GHR: variants seen among roughly 807,000 people sequenced by gnomAD.
GHR encodes growth hormone receptor, also known as GH receptor.
Under a neutral mutation model 67.1 loss-of-function variants are expected in GHR, and 35 were observed. The ratio of observed to expected loss-of-function variants is 0.52; its 90% CI spans 0.40 to 0.69. The LOEUF (loss-of-function observed/expected upper bound fraction) is 0.69, where lower values mean the gene tolerates loss of function less well. Among genes scored for constraint, GHR ranks in the 30% least tolerant of loss-of-function variants. GHR has a pLI of 0.00. For synonymous variants in GHR, 272 were observed against 269.1 expected, an observed-to-expected ratio of 1.01 and a Z score of -0.10; for missense variants, 792 against 764.6, an observed-to-expected ratio of 1.04 and a Z score of -0.42.
In GHR at chr5:42,548,361, C is replaced by T. The variant is rs7448239; in HGVS notation, c.-11-17503C>T. The T allele has an allele frequency of 6.1e-6, 6 of 985,162 alleles. No homozygotes were observed. The African/African-American group carries it at 1.0e-4, about 17-fold the overall frequency. The allele number at this position is 985,162 out of a possible 1,614,324, so 61.0% of individuals were successfully genotyped here. A position where few individuals can be genotyped will look rare whatever the true frequency, so the allele number is the denominator to read the frequency against. ...TAACCAAGAAACTTCTGTGGGATCC[C>T]ACCTCCAACCCCTCCCTCTCTGTCA... On this transcript the variant is annotated intron_variant, in intron 1 of 9. Coordinates refer to ENST00000230882, the MANE Select transcript of GHR (RefSeq NM_000163.5).
intron 2 of GHR, among the ~76,000 whole-genome samples, chr5:42,579,128 TA>T (rs1228816544): frequency 0.12 from 9,614 of 78,968 alleles, 429 homozygotes; most frequent in Middle Eastern, 0.15. Context: ...GATAGATAGA[TA>T]GATAGATAGA....
chr5:42,688,739 G>A (rs535666791), intron 3 of GHR, 151 bp from the exon 4 acceptor site: 1 of 784,726 alleles, frequency 1.3e-6, no homozygotes, highest in East Asian at 2.5e-5. Context: ...CAGGAAAAAT[G>A]CTTTTCTGGA....
chr5:42,685,699 G>A (rs975279049), intron 3 of GHR, among the ~76,000 whole-genome samples: 9 of 152,168 alleles, frequency 5.9e-5, no homozygotes, highest in Admixed American at 5.9e-4. Context: ...GACCGGTGAT[G>A]ACGAGCATTT....
At chr5:42,510,115 T>G (rs1269034630) in intron 1 of GHR, among the ~76,000 whole-genome samples, 1 of 152,190 alleles carries the variant, frequency 6.6e-6, no homozygotes, top group Non-Finnish European at 1.5e-5. Context: ...CATCCTTTGG[T>G]TGCTTGGGTT....
chr5:42,632,592 TAGTG>T (rs1753982122), intron 3 of GHR, among the ~76,000 whole-genome samples: 1 of 152,224 alleles, frequency 6.6e-6, no homozygotes, highest in African/African-American at 2.4e-5. Flanking sequence ...ATTTTTGTGT[TAGTG>T]AGCACATGCT....
At chr5:42,680,967 G>A (rs1239338825) in intron 3 of GHR, among the ~76,000 whole-genome samples, 1 of 151,796 alleles carries the variant, frequency 6.6e-6, no homozygotes, top group Non-Finnish European at 1.5e-5. Flanking sequence ...AATTCAAGAT[G>A]GATTAAAGAC....
At chr5:42,665,061 G>C (rs906000953) in intron 3 of GHR, among the ~76,000 whole-genome samples, 2 of 152,220 alleles carry the variant, frequency 1.3e-5, no homozygotes, top group Non-Finnish European at 2.9e-5. Flanking sequence ...TCTCACACCA[G>C]TTGTTAGAAT....
At chr5:42,687,252 A>G (rs1214324746) in intron 3 of GHR, among the ~76,000 whole-genome samples, 1 of 152,228 alleles carries the variant, frequency 6.6e-6, no homozygotes, top group African/African-American at 2.4e-5. Flanking sequence ...GCCCAAAGTA[A>G]TTTATAGATT....
chr5:42,477,109 A>T (rs1206396355), intron 1 of GHR, among the ~76,000 whole-genome samples: 1 of 132,030 alleles, frequency 7.6e-6, no homozygotes, highest in Non-Finnish European at 1.5e-5. Context: ...TTCAATTCCC[A>T]CCTATGAGTG....
intron 2 of GHR, among the ~76,000 whole-genome samples, chr5:42,574,869 G>A (rs1750561959): frequency 6.6e-6 from 1 of 152,178 alleles, no homozygotes; most frequent in Non-Finnish European, 1.5e-5. Flanking sequence ...TACCACTGAT[G>A]CCTTAAAGCA....
At chr5:42,572,268 T>C (rs1371114454) in intron 2 of GHR, among the ~76,000 whole-genome samples, 1 of 152,220 alleles carries the variant, frequency 6.6e-6, no homozygotes, top group African/African-American at 2.4e-5. Context: ...TCCACAGTAC[T>C]GTGCACCTAG....
intron 3 of GHR, among the ~76,000 whole-genome samples, chr5:42,687,833 T>C (rs1050585152): frequency 2.6e-5 from 4 of 152,104 alleles, no homozygotes; most frequent in Non-Finnish European, 4.4e-5. Context: ...AGGCTAATCA[T>C]ATAAGGAGAA....
chr5:42,670,090 C>T (rs1756197543), intron 3 of GHR, among the ~76,000 whole-genome samples: 1 of 152,166 alleles, frequency 6.6e-6, no homozygotes. Context: ...AAGAGCAATG[C>T]TGGAAGCATC....
chr5:42,438,131 T>C (rs1381426661), intron 1 of GHR, among the ~76,000 whole-genome samples: 2 of 152,220 alleles, frequency 1.3e-5, no homozygotes, highest in African/African-American at 4.8e-5. Context: ...GTAAGCAACA[T>C]TAATGAAGTG....
intron 2 of GHR, among the ~76,000 whole-genome samples, chr5:42,578,285 GT>G (rs1750875770): frequency 6.6e-6 from 1 of 152,288 alleles, no homozygotes; most frequent in South Asian, 2.1e-4. Context: ...TGAACTGACA[GT>G]CCCCAGGATT....
At chr5:42,516,920 G>A (rs191146523) in intron 1 of GHR, among the ~76,000 whole-genome samples, 124 of 152,298 alleles carry the variant, frequency 8.1e-4, no homozygotes, top group Non-Finnish European at 1.5e-3. Flanking sequence ...GCACTTGAGT[G>A]CCAGAGTGTG....
chr5:42,508,333 T>A (rs1746864899), intron 1 of GHR, among the ~76,000 whole-genome samples: 1 of 152,108 alleles, frequency 6.6e-6, no homozygotes, highest in African/African-American at 2.4e-5. Flanking sequence ...TAAGTAGGCA[T>A]GGAATCATAG....
intron 1 of GHR, among the ~76,000 whole-genome samples, chr5:42,558,065 T>C (rs1375454323): frequency 2.6e-5 from 4 of 152,160 alleles, no homozygotes; most frequent in Non-Finnish European, 5.9e-5. Context: ...ATCATGACCC[T>C]TTTTTTAAAT....
At chr5:42,544,225 G>A (rs191728874) in intron 1 of GHR, among the ~76,000 whole-genome samples, 198 of 152,152 alleles carry the variant, frequency 1.3e-3, no homozygotes, top group African/African-American at 4.6e-3. Context: ...AAAGAAAAAG[G>A]GGATCCAGCA....
Sources: gnomAD v4.1 joint callset for allele counts (sites outside exome capture counted in the v4.1 genomes callset) on GRCh38, gnomAD v4.1.1 for gene constraint, MANE v1.5 for transcripts, NCBI Gene and HGNC (gene_info 2026-07-23, HGNC 2026-07-21) for gene names.